The following R3HDM1 variants were observed in gnomAD, a reference collection of about 807,000 sequenced individuals.
The protein encoded by R3HDM1 is R3H domain containing 1, also known as R3H domain-containing protein 1.
A neutral mutation model predicts 141.1 loss-of-function variants in R3HDM1; 46 were observed. The ratio of observed to expected loss-of-function variants is 0.33; its 90% CI spans 0.26 to 0.42. The LOEUF (loss-of-function observed/expected upper bound fraction) is 0.42, where lower values mean the gene tolerates loss of function less well. R3HDM1 is among the 10% of genes least tolerant of loss of function. The pLI is 1.00. For missense variants in R3HDM1, 1,184 were observed against 1,368.3 expected (o/e 0.87, Z 2.12); for synonymous variants, 435 against 472.9 (o/e 0.92, Z 1.04).
At chr2:135,575,758 TAA>T (rs1388156516) in intron 1 of R3HDM1, among the ~76,000 whole-genome samples, 3 of 152,196 alleles carry the variant, frequency 2.0e-5, no homozygotes, top group Admixed American at 6.5e-5. Context: ...TTTCAATACT[TAA>T]GTCATAAAAT....
intron 20 of R3HDM1, among the ~76,000 whole-genome samples, chr2:135,678,354 G>A (rs1034701663): frequency 6.6e-6 from 1 of 152,090 alleles, no homozygotes; most frequent in Non-Finnish European, 1.5e-5. Context: ...TTTGAATTCT[G>A]ACTTTCCTAC....
chr2:135,547,430 C>G (rs1199984625), intron 1 of R3HDM1, among the ~76,000 whole-genome samples: 2 of 150,062 alleles, frequency 1.3e-5, no homozygotes, highest in African/African-American at 4.9e-5. Context: ...CACATTGTTA[C>G]TTCTTATGAC....
intron 3 of R3HDM1, chr2:135,607,685 C>G (rs2060193424): frequency 4.7e-6 from 1 of 212,674 alleles, no homozygotes; most frequent in Admixed American, 6.5e-5. Context: ...TGCTTATCAA[C>G]AAGTCATTAA....
intron 1 of R3HDM1, among the ~76,000 whole-genome samples, chr2:135,563,365 A>G (rs1343638172): frequency 1.3e-5 from 2 of 152,228 alleles, no homozygotes; most frequent in Non-Finnish European, 2.9e-5. Flanking sequence ...AGAACTGTGT[A>G]CATATCTTGT....
intron 1 of R3HDM1, chr2:135,584,106 T>C (rs1707356538): frequency 1.1e-6 from 1 of 930,010 alleles, no homozygotes; most frequent in Non-Finnish European, 1.3e-6. Flanking sequence ...AGCAGGTGGA[T>C]CACTTGAGGT....
intron 7 of R3HDM1, among the ~76,000 whole-genome samples, chr2:135,630,305 A>AAAC (rs2062569382): frequency 6.8e-6 from 1 of 147,202 alleles, no homozygotes; most frequent in African/African-American, 2.6e-5. Flanking sequence ...AAAAAAAAAA[A>AAAC]AAACAAAAAA....
At chr2:135,587,415 A>T (rs1312459446) in intron 1 of R3HDM1, among the ~76,000 whole-genome samples, 3 of 152,162 alleles carry the variant, frequency 2.0e-5, no homozygotes, top group Non-Finnish European at 4.4e-5. Context: ...GAAATAATTC[A>T]TCTCTTTTCT....
At chr2:135,697,700 C>T (rs2073468405) in intron 21 of R3HDM1, among the ~76,000 whole-genome samples, 1 of 152,078 alleles carries the variant, frequency 6.6e-6, no homozygotes, top group Non-Finnish European at 1.5e-5. Context: ...ACAGTCAAAA[C>T]TCAACTATGT....
chr2:135,670,703 A>C (rs1332122084), intron 19 of R3HDM1, among the ~76,000 whole-genome samples: 2 of 152,146 alleles, frequency 1.3e-5, no homozygotes, highest in African/African-American at 4.8e-5. Context: ...CAAATTTTCT[A>C]CTATAAAAGT....
At position 135,661,377 on chromosome 2, in the gene R3HDM1, A is replaced by G; in HGVS notation, c.2136A>G (p.Gln712=). 2 of 1,613,970 alleles carry G rather than the reference A, an allele frequency of 1.2e-6. No individual in the cohort carries two copies. Among genetic ancestry groups the G allele is most frequent in the Non-Finnish European group, 8.5e-7 (1 of 1,179,906 alleles). ...CACATCTAAACCAACCACTGCCACA[A>G]CCTGCGCAGCAGACAGGTGAGTTGT... The part of the protein sequence containing the change: ...YNSHLNQPLP[Q]PAQQTGYQVI... Residue 712 remains glutamine, a synonymous_variant, in exon 19 of 27, where the codon CAA becomes CAG. Transcript: ENST00000683871.
chr2:135,624,946 G>A (rs1486405059), intron 7 of R3HDM1, among the ~76,000 whole-genome samples: 1 of 152,142 alleles, frequency 6.6e-6, no homozygotes, highest in East Asian at 1.9e-4. Flanking sequence ...GCAAAAACAG[G>A]GCCTGGTGGC....
chr2:135,615,555 C>T (rs1335428918), intron 3 of R3HDM1, among the ~76,000 whole-genome samples: 2 of 152,188 alleles, frequency 1.3e-5, no homozygotes, highest in East Asian at 1.9e-4. Context: ...TCATGCTGGA[C>T]ATCCGTATTG....
chr2:135,574,252 G>C (rs1704849336), intron 1 of R3HDM1, among the ~76,000 whole-genome samples: 1 of 152,148 alleles, frequency 6.6e-6, no homozygotes. Context: ...GCAGTTATTT[G>C]AAAACCTAGA....
At chr2:135,574,954 A>T (rs948626350) in intron 1 of R3HDM1, among the ~76,000 whole-genome samples, 2 of 152,220 alleles carry the variant, frequency 1.3e-5, no homozygotes, top group Non-Finnish European at 2.9e-5. Flanking sequence ...ATTATAATGG[A>T]GGTATTAACC....
At chr2:135,621,676 G>A in intron 6 of R3HDM1, 68 bp downstream of exon 6, 10 of 1,427,014 alleles carry the variant, frequency 7.0e-6, no homozygotes, top group Non-Finnish European at 9.3e-6. Context: ...TTTTCCCCTT[G>A]AATAATTATA....
Position 135,531,533 on chromosome 2 carries a change from G to C in R3HDM1, c.-350G>C, listed in dbSNP as rs1346993216. 1.0e-6 allele frequency: 1 copy of C among 985,692 alleles called. No homozygotes were observed. The highest frequency in any genetic ancestry group is 1.2e-6 in the Non-Finnish European group (1 of 829,914). 61.1% of individuals were successfully genotyped at this position (985,692 alleles called of 1,614,324 possible). On this transcript the variant is annotated 5_prime_UTR_variant, in exon 1 of 27. Coordinates refer to ENST00000683871, the MANE Select transcript of R3HDM1 (RefSeq NM_001378107.1). Reference sequence around the variant, plus strand: ...GGAGCCGGTGTCCGGGCTGGTGATGGGGTTAATTCCCTTTCGTAAGACTCT... The same window carrying C: ...GGAGCCGGTGTCCGGGCTGGTGATGCGGTTAATTCCCTTTCGTAAGACTCT...
chr2:135,651,841 C>G lies in R3HDM1; in HGVS notation c.1837C>G (p.Pro613Ala). The G allele has an allele frequency of 1.9e-6, 3 of 1,614,156 alleles. No homozygotes were observed. The highest frequency in any genetic ancestry group is 2.5e-6 in the Non-Finnish European group (3 of 1,180,028). ...CCAGTCCACTGTGGTTCTTCAGTCT[C>G]CACAGCAGTCTGGTTATATCATGAC... Reference protein sequence around the residue: ...MFQSTVVLQSPQQSGYIMTAA... With the variant: ...MFQSTVVLQSAQQSGYIMTAA... Residue 613 changes from proline to alanine, a missense_variant, in exon 18 of 27, where the codon CCA (proline) becomes GCA (alanine). Pro to Ala is a conservative substitution (Grantham distance 27). This residue lies in a region of R3HDM1 where 563 missense variants were observed against 562.0 expected (regional missense o/e 1.00). Coordinates refer to ENST00000683871, the MANE Select transcript of R3HDM1 (RefSeq NM_001378107.1).
At chr2:135,651,628 T>G in intron 17 of R3HDM1, 102 bp from the exon 18 acceptor site, 1 of 1,413,060 alleles carries the variant, frequency 7.1e-7, no homozygotes, top group Non-Finnish European at 9.3e-7. Context: ...ATTTCCATAA[T>G]GTGTACTATT....
chr2:135,675,394 C>G lies in R3HDM1; in HGVS notation c.2215C>G (p.Gln739Glu). The change falls in exon 20 of 27, where the codon CAG becomes GAG. Residue 739 changes from glutamine to glutamate, a missense_variant. Physicochemically the swap from Gln to Glu is conservative, Grantham distance 29. Around this residue, in one of 5 missense-constraint regions of R3HDM1, gnomAD observed 563 missense variants for 562.0 expected, o/e 1.00. Transcript: ENST00000683871. ...YQGIVGVQQP[Q>E]SQSLVSGQPN... ...AGGAATAGTTGGAGTTCAGCAACCC[C>G]AGAGTCAGAGCCTAGTCAGTGGCCA... 2 of 1,613,960 alleles carry G rather than the reference C, an allele frequency of 1.2e-6. No individual in the cohort carries two copies. Among genetic ancestry groups the G allele is most frequent in the Non-Finnish European group, 1.7e-6 (2 of 1,179,864 alleles).
Sources: gnomAD v4.1 joint callset for allele counts (sites outside exome capture counted in the v4.1 genomes callset) on GRCh38, gnomAD v4.1.1 for gene constraint, gnomAD v4.1.1 regional missense constraint, MANE v1.5 for transcripts, NCBI Gene and HGNC (gene_info 2026-07-23, HGNC 2026-07-21) for gene names.